Variants in ITFG1 observed in about 807,000 individuals in gnomAD.
ITFG1 encodes T-cell immunomodulatory protein.
ITFG1 carries 34 observed loss-of-function variants against 81.8 expected under a neutral mutation model. The ratio of observed to expected loss-of-function variants is 0.42; its 90% CI spans 0.32 to 0.55. ITFG1 has a LOEUF of 0.55. Ranked by LOEUF, ITFG1 falls within the 20% of genes least tolerant of loss-of-function variation. The pLI is 0.17. For synonymous variants in ITFG1, 285 were observed against 270.6 expected (o/e 1.05, Z -0.52); for missense variants, 672 against 755.4 (o/e 0.89, Z 1.29).
At chr16:47,174,720 A>G (rs1237441481) in intron 14 of ITFG1, among the ~76,000 whole-genome samples, 1 of 152,046 alleles carries the variant, frequency 6.6e-6, no homozygotes, top group Non-Finnish European at 1.5e-5. Flanking sequence ...GGGTTTCACC[A>G]TGTTGGCCAG....
In ITFG1 at chr16:47,329,290, C is replaced by T. The variant is rs116845596; in HGVS notation, c.803-15467G>A. ...AGCAGAAAGGACAATGGGAAAGATA[C>T]TGCTTTCAGGACTGTCTGTTACTAG... On this transcript the variant is annotated intron_variant, in intron 8 of 17. Coordinates refer to ENST00000320640, the MANE Select transcript of ITFG1 (RefSeq NM_030790.5). 5.6e-3 allele frequency among the ~76,000 whole-genome samples: 856 copies of T among 152,254 alleles called. 8 individuals are homozygous for T. The highest frequency in any genetic ancestry group is 8.0e-3 in the Non-Finnish European group (544 of 68,008).
chr16:47,246,063 ATAGTC>A (rs1965999091), intron 12 of ITFG1, among the ~76,000 whole-genome samples: 2 of 152,244 alleles, frequency 1.3e-5, no homozygotes, highest in African/African-American at 4.8e-5. Context: ...CTTGGTTAGC[ATAGTC>A]TAGAGTATTT....
At chr16:47,435,500 A>T (rs950404671) in intron 5 of ITFG1, among the ~76,000 whole-genome samples, 2 of 152,226 alleles carry the variant, frequency 1.3e-5, no homozygotes, top group Non-Finnish European at 2.9e-5. Context: ...ATTTGTGGGC[A>T]TCATCACCCT....
rs557287572 is a variant in ITFG1 at position 47,156,262 on chromosome 16, C to A, written c.1780-484G>T. Among the ~76,000 whole-genome samples, 9 of 152,156 alleles carry A rather than the reference C, an allele frequency of 5.9e-5. No homozygotes were observed. The East Asian group carries it at 1.7e-3, about 29-fold the overall frequency. On this transcript the variant is annotated intron_variant, in intron 17 of 17. Coordinates refer to ENST00000320640, the MANE Select transcript of ITFG1 (RefSeq NM_030790.5). ...GACCAGCCTGGCCAACATGGTGAAA[C>A]CCCGTCTCTACCAAAAAAATACAAA... is the stretch of plus-strand genomic sequence containing the variant.
intron 10 of ITFG1, among the ~76,000 whole-genome samples, chr16:47,307,064 A>T (rs994481622): frequency 8.4e-6 from 1 of 118,760 alleles, no homozygotes; most frequent in Non-Finnish European, 1.6e-5. Context: ...ACTGCACTCC[A>T]GCCTGGGTGA....
In ITFG1 at chr16:47,344,954, T is replaced by C. The variant is rs563374201; in HGVS notation, c.802+20834A>G. 6.4e-4 allele frequency among the ~76,000 whole-genome samples: 98 copies of C among 152,356 alleles called. 1 individual carries two copies. Among genetic ancestry groups the C allele is most frequent in the African/African-American group, 2.1e-3 (88 of 41,588 alleles). On this transcript the variant is annotated intron_variant, in intron 8 of 17. Transcript: ENST00000320640. ...TACTGTGTATAAGTACCACATTTTCTTATCCATTCATCTGTTGATGGACAT... is the reference window on the plus strand; with the variant it reads ...TACTGTGTATAAGTACCACATTTTCCTATCCATTCATCTGTTGATGGACAT...
chr16:47,320,928 A>G (rs1278870891), intron 8 of ITFG1, among the ~76,000 whole-genome samples: 9 of 152,250 alleles, frequency 5.9e-5, no homozygotes. Context: ...GAAACTAACA[A>G]TTTAGAATTT....
chr16:47,158,891 A>G lies in ITFG1; in HGVS notation c.1761T>C (p.Ile587=). The G allele has an allele frequency of 6.3e-7, 1 of 1,583,728 alleles. No homozygotes were observed. Among genetic ancestry groups the G allele is most frequent in the South Asian group, 1.1e-5 (1 of 88,270 alleles). The change falls in exon 17 of 18, where the codon ATT becomes ATC. Residue 587 remains isoleucine (I), a synonymous_variant. Coordinates refer to ENST00000320640, the MANE Select transcript of ITFG1 (RefSeq NM_030790.5). ...VCVFILAIIG[I]LHWQEKKADD... ...AACAAACCTTTTCCTGCCAATGTAAAATGCCAATTATTGCCAAGATGAAAA... is the reference window on the plus strand; with the variant it reads ...AACAAACCTTTTCCTGCCAATGTAAGATGCCAATTATTGCCAAGATGAAAA...
chr16:47,266,992 T>C (rs1262742742), intron 10 of ITFG1, among the ~76,000 whole-genome samples: 6 of 152,002 alleles, frequency 3.9e-5, no homozygotes, highest in Non-Finnish European at 8.8e-5. Flanking sequence ...GGAAAATCTA[T>C]AGCGATGGAA....
At chr16:47,459,215 TGATAA>T (rs1043696699) in intron 1 of ITFG1, 40 bp from the exon 2 acceptor site, 6 of 1,301,796 alleles carry the variant, frequency 4.6e-6, no homozygotes, top group East Asian at 2.3e-5. Context: ...AAATGTTTGT[TGATAA>T]GATATCTAAT....
intron 8 of ITFG1, among the ~76,000 whole-genome samples, chr16:47,351,855 A>G (rs562631335): frequency 2.3e-4 from 35 of 152,196 alleles, no homozygotes; most frequent in Non-Finnish European, 4.7e-4. Context: ...TACTGGTACC[A>G]AACAGAGATA....
chr16:47,199,216 G>A (rs752725650), intron 14 of ITFG1, among the ~76,000 whole-genome samples: 8 of 151,914 alleles, frequency 5.3e-5, no homozygotes, highest in Non-Finnish European at 8.8e-5. Flanking sequence ...GCAGTGAGCC[G>A]AGATCACGCC....
At chr16:47,307,217 A>G (rs1448506757) in intron 10 of ITFG1, among the ~76,000 whole-genome samples, 2 of 151,878 alleles carry the variant, frequency 1.3e-5, no homozygotes, top group African/African-American at 4.8e-5. Flanking sequence ...GACTTAGAGA[A>G]AATTTAAAAA....
chr16:47,246,893 C>T lies in ITFG1; in HGVS notation c.1331-8885G>A, dbSNP rs899205183. Among the ~76,000 whole-genome samples, 6 of 152,172 alleles carry T rather than the reference C, an allele frequency of 3.9e-5. No homozygotes were observed. In the East Asian group the frequency reaches 1.2e-3, roughly 29 times the overall value. ...TCTTGGCACACTGCAACCTCTACCT[C>T]CTGTGATTTTCGTGCCTCAGCCTCC... On this transcript the variant is annotated intron_variant, in intron 12 of 17. Coordinates refer to ENST00000320640, the MANE Select transcript of ITFG1 (RefSeq NM_030790.5).
chr16:47,430,057 C>CTTTTTTTTTTTT (rs920966590), intron 5 of ITFG1, among the ~76,000 whole-genome samples: 1 of 122,014 alleles, frequency 8.2e-6, no homozygotes, highest in Non-Finnish European at 1.8e-5. Context: ...TTTTACTTTT[C>CTTTTTTTTTTTT]TTTTTTTTTT....
intron 10 of ITFG1, among the ~76,000 whole-genome samples, chr16:47,294,766 C>T (rs1966958052): frequency 6.6e-6 from 1 of 151,868 alleles, no homozygotes; most frequent in Non-Finnish European, 1.5e-5. Flanking sequence ...CTGGAGAGGT[C>T]TTGAGGATTT....
chr16:47,293,153 G>A (rs1214744093), intron 10 of ITFG1, among the ~76,000 whole-genome samples: 1 of 121,258 alleles, frequency 8.2e-6, no homozygotes, highest in East Asian at 2.0e-4. Context: ...TCATATACAA[G>A]CATGATATAT....
intron 14 of ITFG1, among the ~76,000 whole-genome samples, chr16:47,169,360 A>G (rs1964931734): frequency 6.6e-6 from 1 of 152,070 alleles, no homozygotes; most frequent in Admixed American, 6.5e-5. Context: ...GATTTTCTTT[A>G]ATTTCTCTCA....
rs8046086 is a variant in ITFG1, at chr16:47,198,226, C to T, written c.1453+20642G>A. Among the ~76,000 whole-genome samples the T allele has an allele frequency of 4.6e-5, 7 of 152,236 alleles. No homozygotes were observed. The South Asian group carries it at 8.3e-4, about 18-fold the overall frequency. ...AAATATTAGTTCCCAGCTTTGCCAG[C>T]GTATTAGAATGCCACATCAAATTAC... On this transcript the variant is annotated intron_variant, in intron 14 of 17. Coordinates refer to ENST00000320640, the MANE Select transcript of ITFG1 (RefSeq NM_030790.5).
Sources: gnomAD v4.1 joint callset for allele counts (sites outside exome capture counted in the v4.1 genomes callset) on GRCh38, gnomAD v4.1.1 for gene constraint, MANE v1.5 for transcripts, NCBI Gene and HGNC (gene_info 2026-07-23, HGNC 2026-07-21) for gene names.